UBR2: variants seen among roughly 807,000 people sequenced by gnomAD.
UBR2 encodes ubiquitin protein ligase E3 component n-recognin 2, also known as E3 ubiquitin-protein ligase UBR2.
UBR2 carries 92 observed loss-of-function variants against 247.9 expected under a neutral mutation model. The observed-to-expected ratio is 0.37, with a 90% CI of 0.31 to 0.44. UBR2 has a LOEUF of 0.44. Ranked by LOEUF, UBR2 falls within the 20% of genes least tolerant of loss-of-function variation. The pLI is 1.00. For missense variants in UBR2, 1,613 were observed against 2,112.6 expected (o/e 0.76, Z 4.64); for synonymous variants, 672 against 693.5 (o/e 0.97, Z 0.49).
chr6:42,676,792 G>A lies in UBR2; in HGVS notation c.4397G>A (p.Gly1466Asp), dbSNP rs757179662. The change falls in exon 40 of 47, where the codon GGC becomes GAC. Residue 1466 changes from glycine (G) to aspartate (D), a missense_variant. Around this residue, in one of 3 missense-constraint regions of UBR2, gnomAD observed 1,524 missense variants for 1,967.3 expected, o/e 0.77. Transcript: ENST00000372901. ...TTTCCTTATCTTTCAGAAGAGAATG[G>A]CATGGATCAAGAAAATCCCCCTTGT... ...ILLTSCTEEN[G>D]MDQENPPCEE... 2 of 1,613,644 alleles carry A rather than the reference G, an allele frequency of 1.2e-6. No homozygotes were observed. Among genetic ancestry groups the A allele is most frequent in the South Asian group, 2.2e-5 (2 of 91,072 alleles).
rs974875387 is a variant in UBR2, at chr6:42,573,807, G to A, written c.152G>A (p.Cys51Tyr). ...HLAHYVPKIY[C>Y]RGPNPFPQKE... is the part of the protein sequence containing the mutation. Reference sequence around the variant, plus strand: ...GCCCACTATGTACCCAAAATCTACTGCAGGGGTCCCAACCCTTTTCCACAG... The same window carrying A: ...GCCCACTATGTACCCAAAATCTACTACAGGGGTCCCAACCCTTTTCCACAG... Residue 51 changes from cysteine (C) to tyrosine (Y), a missense_variant, in exon 2 of 47, where the codon TGC becomes TAC. Coordinates refer to ENST00000372901, the MANE Select transcript of UBR2 (RefSeq NM_001363705.2). 3 of 1,613,444 alleles carry A rather than the reference G, an allele frequency of 1.9e-6. No homozygotes were observed. Among genetic ancestry groups the A allele is most frequent in the Non-Finnish European group, 2.5e-6 (3 of 1,179,648 alleles).
intron 42 of UBR2, among the ~76,000 whole-genome samples, chr6:42,681,645 A>G (rs1374912631): frequency 1.3e-5 from 2 of 152,200 alleles, no homozygotes; most frequent in East Asian, 3.8e-4. Context: ...ATCCTTGTGC[A>G]TGGGATATAG....
At chr6:42,651,340 G>A (rs939399988) in intron 23 of UBR2, among the ~76,000 whole-genome samples, 2 of 151,466 alleles carry the variant, frequency 1.3e-5, no homozygotes, top group Non-Finnish European at 2.9e-5. Context: ...AAGTCATAGA[G>A]TTCAAACTTA....
chr6:42,681,609 G>A (rs1291892785), intron 42 of UBR2, among the ~76,000 whole-genome samples: 1 of 152,146 alleles, frequency 6.6e-6, no homozygotes, highest in East Asian at 1.9e-4. Flanking sequence ...ATGTTTACAA[G>A]GATGTGGAAA....
At chr6:42,579,719 G>A (rs992295743) in intron 2 of UBR2, among the ~76,000 whole-genome samples, 8 of 152,224 alleles carry the variant, frequency 5.3e-5, no homozygotes, top group Non-Finnish European at 1.2e-4. Flanking sequence ...ATATTGCCCA[G>A]GCTGGTCTCA....
intron 11 of UBR2, among the ~76,000 whole-genome samples, chr6:42,626,133 C>A (rs1795335646): frequency 6.6e-6 from 1 of 151,958 alleles, no homozygotes; most frequent in Non-Finnish European, 1.5e-5. Flanking sequence ...CCCTTTTATA[C>A]ATTTGCTTTG....
chr6:42,568,255 CA>C (rs1356995632), intron 1 of UBR2, among the ~76,000 whole-genome samples: 1 of 151,958 alleles, frequency 6.6e-6, no homozygotes, highest in Non-Finnish European at 1.5e-5. Context: ...TTTATCACCC[CA>C]AAAAAGAAAT....
At chr6:42,690,420 A>T (rs930842897) in intron 46 of UBR2, among the ~76,000 whole-genome samples, 1 of 152,164 alleles carries the variant, frequency 6.6e-6, no homozygotes, top group African/African-American at 2.4e-5. Context: ...AGTGAGTGAG[A>T]GGATGGCTGT....
At chr6:42,594,127 A>G (rs1792827837) in intron 3 of UBR2, 64 bp from the exon 4 acceptor site, 3 of 1,264,148 alleles carry the variant, frequency 2.4e-6, no homozygotes, top group African/African-American at 1.5e-5. Flanking sequence ...TGATATTCTT[A>G]TTTATTATCT....
chr6:42,645,563 T>C lies in UBR2; in HGVS notation c.2382T>C (p.Ser794=). The C allele has an allele frequency of 6.2e-7, 1 of 1,613,556 alleles. No individual in the cohort carries two copies. The change falls in exon 21 of 47, where the codon AGT becomes AGC. Residue 794 remains serine, a synonymous_variant. Transcript: ENST00000372901. ...TGAGTATCAAGCCTATGGCTCATAG[T>C]GAATTGGTAAAGTCTTTACCTGAAG... The part of the protein sequence containing the change: ...HQLSIKPMAH[S]ELVKSLPEDE...
At chr6:42,641,193 G>A (rs1418160673) in intron 16 of UBR2, among the ~76,000 whole-genome samples, 1 of 152,148 alleles carries the variant, frequency 6.6e-6, no homozygotes, top group African/African-American at 2.4e-5. Flanking sequence ...GCCAGGCACA[G>A]TGGCCCACAC....
rs200833336 is a variant in UBR2 at position 42,645,443 on chromosome 6, A to G, written c.2285-23A>G. On this transcript the variant is annotated intron_variant, in intron 20 of 46. Transcript: ENST00000372901. ...TTGTGATTATGTTAAATGTATGTAT[A>G]TGTACTTTTCCATTTTTGACAGGAG... 4 of 1,606,986 alleles carry G rather than the reference A, an allele frequency of 2.5e-6. No individual in the cohort carries two copies. In the African/African-American group the frequency reaches 4.0e-5, roughly 16 times the overall value.
At position 42,691,564 on chromosome 6, in the gene UBR2, A is replaced by G. The variant is rs1025441355; in HGVS notation, c.*391A>G. ...CAAAGTCTCTGTGGTCTGTTGGGTC[A>G]TACTTCCTGGTTCCACTGAGTGGCC... On this transcript the variant is annotated 3_prime_UTR_variant, in exon 47 of 47. Coordinates refer to ENST00000372901, the MANE Select transcript of UBR2 (RefSeq NM_001363705.2). 1.5e-5 allele frequency: 4 copies of G among 267,634 alleles called. No individual in the cohort carries two copies. The highest frequency in any genetic ancestry group is 9.3e-5 in the African/African-American group (4 of 42,938). 16.6% of individuals were successfully genotyped at this position (267,634 alleles called of 1,614,324 possible). A position where few individuals can be genotyped will look rare whatever the true frequency, so the allele number is the denominator to read the frequency against.
At position 42,573,754 on chromosome 6, in the gene UBR2, C is replaced by G. The variant is rs1791315260; in HGVS notation, c.99C>G (p.Asp33Glu). 6.4e-7 allele frequency: 1 copy of G among 1,552,886 alleles called. No homozygotes were observed. The highest frequency in any genetic ancestry group is 8.7e-7 in the Non-Finnish European group (1 of 1,145,712). ...TAAAGAAATGGCTGCAAGCAACTGACCTCACTAGAGAAGTGTACCAGCATT... is the reference window on the plus strand; with the variant it reads ...TAAAGAAATGGCTGCAAGCAACTGAGCTCACTAGAGAAGTGTACCAGCATT... ...EIAGKWLQAT[D>E]LTREVYQHLA... is the part of the protein sequence containing the mutation. Residue 33 changes from aspartate to glutamate, a missense_variant, in exon 2 of 47, where the codon GAC becomes GAG. This residue lies in a region of UBR2 where 1,524 missense variants were observed against 1,967.3 expected (regional missense o/e 0.77). Transcript: ENST00000372901.
At chr6:42,644,574 C>T (rs7767888) in intron 20 of UBR2, 38 bp downstream of exon 20, 1,396,475 of 1,552,278 alleles carry the variant, frequency 0.9, 628,946 homozygotes, top group East Asian at 1. Context: ...ATAAATTACA[C>T]TGACGTTTAT....
rs1288392012 is a variant in UBR2, at chr6:42,570,986, AT to A, written c.79-2734del. Among the ~76,000 whole-genome samples the A allele has an allele frequency of 2.7e-3, 380 of 143,228 alleles. 1 individual carries two copies. The highest frequency in any genetic ancestry group is 5.3e-3 in the African/African-American group (210 of 39,302). 94.0% of individuals were successfully genotyped at this position (143,228 alleles called of 152,430 possible). A position where few individuals can be genotyped will look rare whatever the true frequency, so the allele number is the denominator to read the frequency against. On this transcript the variant is annotated intron_variant, in intron 1 of 46. Transcript: ENST00000372901. ...AGGCATGAGCCAAAGAGCCTGGCCGATTTTTTTTTTTTTTCTTAACCAGAAG... is the reference window on the plus strand; with the variant it reads ...AGGCATGAGCCAAAGAGCCTGGCCGATTTTTTTTTTTTTCTTAACCAGAAG...
rs751951621 is a variant in UBR2 at position 42,615,091 on chromosome 6, T to G, written c.1006T>G (p.Cys336Gly). 5.0e-6 allele frequency: 8 copies of G among 1,613,388 alleles called. No homozygotes were observed. Among genetic ancestry groups the G allele is most frequent in the Non-Finnish European group, 6.8e-6 (8 of 1,179,700 alleles). ...TAAAGATGGCCTTCGCCGGATTTTA[T>G]GTCAAGTTGGTTTACAAGAAGGGCC... ...GYSDGLRRIL[C>G]QVGLQEGPDG... Residue 336 changes from cysteine (C) to glycine (G), a missense_variant, in exon 9 of 47, where the codon TGT (cysteine) becomes GGT (glycine). This residue lies in a region of UBR2 where 1,524 missense variants were observed against 1,967.3 expected (regional missense o/e 0.77). Transcript: ENST00000372901.
At chr6:42,595,516 CG>C (rs2151920061) in intron 4 of UBR2, among the ~76,000 whole-genome samples, 1 of 152,180 alleles carries the variant, frequency 6.6e-6, no homozygotes, top group South Asian at 2.1e-4. Flanking sequence ...GAAGCCAAGG[CG>C]GGTGGATCAC....
chr6:42,648,231 TAG>T, intron 22 of UBR2, 61 bp downstream of exon 22: 1 of 1,421,824 alleles, frequency 7.0e-7, no homozygotes, highest in African/African-American at 1.4e-5. Flanking sequence ...TCATTTTTCT[TAG>T]AGTGTTTTCT....
Sources: allele counts gnomAD v4.1 joint callset (sites outside exome capture counted in the v4.1 genomes callset), GRCh38; gene constraint gnomAD v4.1.1; regional missense constraint gnomAD v4.1.1; transcripts MANE v1.5; gene names NCBI Gene and HGNC (gene_info 2026-07-23, HGNC 2026-07-21).